Variants in TPX2 observed in about 807,000 individuals in gnomAD.
TPX2 encodes targeting protein for Xklp2.
TPX2 carries 21 observed loss-of-function variants against 93.6 expected under a neutral mutation model. That is an observed-to-expected ratio of 0.22 (90% CI 0.16 to 0.32). The LOEUF is 0.32. Ranked by LOEUF, TPX2 falls within the 10% of genes least tolerant of loss-of-function variation. TPX2 has a pLI of 1.00. For missense variants in TPX2, 776 were observed against 871.1 expected, an observed-to-expected ratio of 0.89 and a Z score of 1.37; for synonymous variants, 281 against 298.3, an observed-to-expected ratio of 0.94 and a Z score of 0.60.
intron 11 of TPX2, among the ~76,000 whole-genome samples, chr20:31,783,471 G>C (rs891167163): frequency 1.3e-5 from 2 of 152,012 alleles, no homozygotes; most frequent in African/African-American, 4.8e-5. Flanking sequence ...GGCTGGTCTT[G>C]AACTCCTGAC....
intron 7 of TPX2, among the ~76,000 whole-genome samples, chr20:31,773,143 ATTTTTTTT>A (rs769516478): frequency 2.1e-4 from 21 of 102,346 alleles, no homozygotes; most frequent in African/African-American, 8.3e-4. Flanking sequence ...CACCCGGCTA[ATTTTTTTT>A]TTTTTTTTTT....
At chr20:31,782,794 C>G (rs2123058447) in intron 11 of TPX2, among the ~76,000 whole-genome samples, 1 of 151,818 alleles carries the variant, frequency 6.6e-6, no homozygotes, top group East Asian at 1.9e-4. Context: ...TAGGGGGCAG[C>G]CTGAACCCAG....
rs181421531 is a variant in TPX2 at position 31,794,148 on chromosome 20, A to C, written c.1686+124A>C. 3.2e-5 allele frequency: 37 copies of C among 1,161,300 alleles called. 1 individual carries two copies. The African/African-American group carries it at 4.2e-4, about 13-fold the overall frequency. 71.9% of individuals were successfully genotyped at this position (1,161,300 alleles called of 1,614,324 possible). On this transcript the variant is annotated intron_variant, in intron 14 of 17. Coordinates refer to ENST00000300403, the MANE Select transcript of TPX2 (RefSeq NM_012112.5). ...TTTTGATCTTTCTAAGAACCCTATA[A>C]AATATAAATGGGACAAGTAATTTAA... is the stretch of plus-strand genomic sequence containing the variant.
In TPX2 at chr20:31,773,298, C is replaced by T. The variant is rs2123032251; in HGVS notation, c.608+1616C>T. On this transcript the variant is annotated intron_variant, in intron 7 of 17. Transcript: ENST00000300403. ...TCCCATGTGGCTGGGATTACAGGCA[C>T]CTGCCACCACACCTGGCTCATTTTT... 3.9e-5 allele frequency among the ~76,000 whole-genome samples: 6 copies of T among 152,022 alleles called. No homozygotes were observed. In the East Asian group the frequency reaches 9.6e-4, roughly 24 times the overall value.
At chr20:31,799,960 A>G (rs1295145723) in intron 17 of TPX2, among the ~76,000 whole-genome samples, 1 of 151,334 alleles carries the variant, frequency 6.6e-6, no homozygotes, top group Non-Finnish European at 1.5e-5. Context: ...AAAGTGCTAT[A>G]CTACAGCTGG....
At chr20:31,794,345 C>T (rs988242644) in intron 14 of TPX2, 57 bp from the exon 15 acceptor site, 2 of 1,570,094 alleles carry the variant, frequency 1.3e-6, no homozygotes, top group Non-Finnish European at 1.7e-6. Flanking sequence ...TATTCTGGAG[C>T]AGCTATTGCT....
intron 10 of TPX2, among the ~76,000 whole-genome samples, chr20:31,781,999 G>A (rs551148129): frequency 6.6e-6 from 1 of 152,178 alleles, no homozygotes; most frequent in Non-Finnish European, 1.5e-5. Flanking sequence ...AGACATGGAT[G>A]GATTTTCAGT....
At chr20:31,741,834 CA>C (rs1043730261) in intron 1 of TPX2, among the ~76,000 whole-genome samples, 11 of 152,008 alleles carry the variant, frequency 7.2e-5, no homozygotes, top group African/African-American at 2.4e-4. Flanking sequence ...AGGCTAGTCT[CA>C]AACTCCTTAT....
intron 4 of TPX2, among the ~76,000 whole-genome samples, chr20:31,763,911 C>T (rs866564697): frequency 1.3e-5 from 2 of 150,740 alleles, no homozygotes; most frequent in Admixed American, 6.6e-5. Context: ...CCCAGCTACT[C>T]GGGAGGCTGA....
At chr20:31,782,428 G>A (rs375679319) in intron 11 of TPX2, 38 bp downstream of exon 11, 62 of 1,563,448 alleles carry the variant, frequency 4.0e-5, no homozygotes, top group African/African-American at 1.8e-4. Flanking sequence ...AGAGTTCCAC[G>A]AACCTGCCTA....
intron 8 of TPX2, among the ~76,000 whole-genome samples, 199 bp from the exon 9 acceptor site, chr20:31,777,288 C>T (rs1412594139): frequency 6.6e-6 from 1 of 152,138 alleles, no homozygotes; most frequent in African/African-American, 2.4e-5. Context: ...ACTGAAAGGC[C>T]TCAAACCTAA....
intron 10 of TPX2, among the ~76,000 whole-genome samples, chr20:31,781,946 A>C (rs2062036175): frequency 6.6e-6 from 1 of 152,112 alleles, no homozygotes; most frequent in Non-Finnish European, 1.5e-5. Context: ...GTCTCAAAAA[A>C]AAGAAAGTCA....
At chr20:31,745,589 G>A (rs6060921) in intron 2 of TPX2, among the ~76,000 whole-genome samples, 63,099 of 151,786 alleles carry the variant, frequency 0.42, 16,918 homozygotes, top group African/African-American at 0.76. Flanking sequence ...TGGCCTCCCA[G>A]AGTGCTGGGA....
chr20:31,785,248 CTG>C (rs113428245), intron 12 of TPX2, among the ~76,000 whole-genome samples: 13,301 of 152,136 alleles, frequency 0.087, 649 homozygotes, highest in African/African-American at 0.14. Flanking sequence ...TTACAATAAA[CTG>C]TTAAGAAATC....
intron 7 of TPX2, among the ~76,000 whole-genome samples, chr20:31,772,694 T>G (rs1354235434): frequency 6.6e-6 from 1 of 152,238 alleles, no homozygotes; most frequent in East Asian, 1.9e-4. Context: ...ATTTTGTTTC[T>G]GTGCTGCTAC....
chr20:31,792,773 C>T lies in TPX2; in HGVS notation c.1452C>T (p.Pro484=). 1 of 1,614,212 alleles carries T rather than the reference C, an allele frequency of 6.2e-7. No homozygotes were observed. Among genetic ancestry groups the T allele is most frequent in the East Asian group, 2.2e-5 (1 of 44,884 alleles). Residue 484 remains proline, a synonymous_variant, in exon 13 of 18, where the codon CCC becomes CCT. Coordinates refer to ENST00000300403, the MANE Select transcript of TPX2 (RefSeq NM_012112.5). ...PEKKVLPITV[P]KSPAFALKNR... ...AGAAGGTACTTCCAATCACCGTCCC[C>T]AAGTCACCAGCCTTTGCATTGAAGA...
intron 2 of TPX2, among the ~76,000 whole-genome samples, chr20:31,743,167 A>T (rs959722085): frequency 5.9e-5 from 9 of 152,150 alleles, no homozygotes; most frequent in East Asian, 3.8e-4. Flanking sequence ...GTGAGCCAAG[A>T]TCTCATCACT....
At chr20:31,749,103 G>A (rs1246799696) in intron 2 of TPX2, among the ~76,000 whole-genome samples, 1 of 151,844 alleles carries the variant, frequency 6.6e-6, no homozygotes, top group Non-Finnish European at 1.5e-5. Flanking sequence ...CCACCACCAC[G>A]CCTGGCTAAT....
chr20:31,791,933 G>C (rs748709952), intron 12 of TPX2, among the ~76,000 whole-genome samples: 6 of 152,190 alleles, frequency 3.9e-5, no homozygotes. Context: ...TATAAACTCT[G>C]TGTGAATCAA....
Sources: allele counts gnomAD v4.1 joint callset (sites outside exome capture counted in the v4.1 genomes callset), GRCh38; gene constraint gnomAD v4.1.1; transcripts MANE v1.5; gene names NCBI Gene and HGNC (gene_info 2026-07-23, HGNC 2026-07-21).